AKR1C1: variants seen among roughly 807,000 people sequenced by gnomAD.
AKR1C1 encodes the protein 20 alpha-hydroxysteroid dehydrogenase.
In AKR1C1, 32 loss-of-function variants were observed where a neutral mutation model predicts 40.6. The observed-to-expected ratio is 0.79, with a 90% confidence interval of 0.60 to 1.06. AKR1C1 has a LOEUF of 1.06. Among genes scored for constraint, AKR1C1 ranks in the 50% least tolerant of loss-of-function variants. The pLI is 0.00. For synonymous variants in AKR1C1, 105 were observed against 134.2 expected (o/e 0.78, Z 1.50); for missense variants, 320 against 363.5 (o/e 0.88, Z 0.97).
chr10:4,977,972 G>A lies in AKR1C1; in HGVS notation c.*230G>A, dbSNP rs1158603612. On this transcript the variant is annotated 3_prime_UTR_variant, in exon 9 of 9. Coordinates refer to ENST00000380872, the MANE Select transcript of AKR1C1 (RefSeq NM_001353.6). Reference sequence around the variant, plus strand: ...TCCTAAAGATTCTTCACCTACTTTGGTCTCCATAACTTCTATGTTTTCTTT... The same window carrying A: ...TCCTAAAGATTCTTCACCTACTTTGATCTCCATAACTTCTATGTTTTCTTT... The A allele has an allele frequency of 4.0e-5, 23 of 579,856 alleles. No homozygotes were observed. The highest frequency in any genetic ancestry group is 5.9e-5 in the Non-Finnish European group (20 of 336,540). 35.9% of individuals were successfully genotyped at this position (579,856 alleles called of 1,614,324 possible).
chr10:4,982,967 C>T lies in AKR1C1; in HGVS notation c.*5225C>T, dbSNP rs1370112158. 1.0e-4 allele frequency: 47 copies of T among 449,650 alleles called. No individual in the cohort carries two copies. Among genetic ancestry groups the T allele is most frequent in the African/African-American group, 8.6e-4 (43 of 49,880 alleles). 27.9% of individuals were successfully genotyped at this position (449,650 alleles called of 1,614,324 possible). A position where few individuals can be genotyped will look rare whatever the true frequency, so the allele number is the denominator to read the frequency against. On this transcript the variant is annotated 3_prime_UTR_variant, in exon 9 of 9. Transcript: ENST00000380872. ...CATTCAAGAAAGCCAGCACACTAAG[C>T]CTATCTACAGCCAGGGAGTCTCAGA...
intron 5 of AKR1C1, among the ~76,000 whole-genome samples, chr10:4,970,313 C>T (rs916659284): frequency 1.3e-5 from 2 of 152,052 alleles, no homozygotes; most frequent in Non-Finnish European, 2.9e-5. Context: ...TTTTGTAGCT[C>T]TTCTTTTTTT....
In AKR1C1 at chr10:4,982,628, C is replaced by G. The variant is rs1302249093; in HGVS notation, c.*4886C>G. On this transcript the variant is annotated 3_prime_UTR_variant, in exon 9 of 9. Transcript: ENST00000380872. ...CCATCCACCCATCCTGGTAGCTTAACACAAAGATACACTTTTAGGAGCTTC... is the reference window on the plus strand; with the variant it reads ...CCATCCACCCATCCTGGTAGCTTAAGACAAAGATACACTTTTAGGAGCTTC... The G allele has an allele frequency of 4.0e-5, 9 of 227,200 alleles. 1 individual carries two copies. Among genetic ancestry groups the G allele is most frequent in the South Asian group, 1.7e-4 (3 of 17,836 alleles). The allele number at this position is 227,200 out of a possible 1,614,324, so 14.1% of individuals were successfully genotyped here.
intron 5 of AKR1C1, among the ~76,000 whole-genome samples, chr10:4,971,600 G>A (rs1363303848): frequency 1.4e-5 from 2 of 148,030 alleles, no homozygotes; most frequent in East Asian, 1.9e-4. Context: ...GTTTCATAGG[G>A]AACCCACTGG....
At position 4,968,935 on chromosome 10, in the gene AKR1C1, C is replaced by T. The variant is rs748407408; in HGVS notation, c.561C>T (p.Val187=). The T allele has an allele frequency of 1.2e-6, 2 of 1,614,082 alleles. No homozygotes were observed. The highest frequency in any genetic ancestry group is 1.6e-4 in the Middle Eastern group (1 of 6,084). Residue 187 remains valine, a synonymous_variant, in exon 5 of 9, where the codon GTC becomes GTT. Coordinates refer to ENST00000380872, the MANE Select transcript of AKR1C1 (RefSeq NM_001353.6). ...LNKPGLKYKP[V]CNQVECHPYF... is the part of the protein sequence containing the mutation. Reference sequence around the variant, plus strand: ...AGCCAGGGCTCAAGTACAAGCCTGTCTGCAACCAGGTGAGCACCCTCAGCC... The same window carrying T: ...AGCCAGGGCTCAAGTACAAGCCTGTTTGCAACCAGGTGAGCACCCTCAGCC...
In AKR1C1 at chr10:4,963,440, C is replaced by T; in HGVS notation, c.-5C>T. Reference sequence around the variant, plus strand: ...AAACATTTGCCAGCCAGGCTAGTGACAGAAATGGATTCGAAATATCAGTGT... The same window carrying T: ...AAACATTTGCCAGCCAGGCTAGTGATAGAAATGGATTCGAAATATCAGTGT... On this transcript the variant is annotated 5_prime_UTR_variant, in exon 1 of 9. Transcript: ENST00000380872. 1 of 1,614,026 alleles carries T rather than the reference C, an allele frequency of 6.2e-7. No homozygotes were observed. The highest frequency in any genetic ancestry group is 8.5e-7 in the Non-Finnish European group (1 of 1,179,930).
In AKR1C1 at chr10:4,980,980, T is replaced by C. The variant is rs1490828808; in HGVS notation, c.*3238T>C. The C allele has an allele frequency of 6.6e-6, 1 of 152,214 alleles. No homozygotes were observed. Among genetic ancestry groups the C allele is most frequent in the African/African-American group, 2.4e-5 (1 of 41,446 alleles). The allele number at this position is 152,214 out of a possible 1,614,324, so 9.4% of individuals were successfully genotyped here. ...CATAAAACAAGAACATCAAAATTAC[T>C]CTATGATCCATGGGAAACAGAATGC... On this transcript the variant is annotated 3_prime_UTR_variant, in exon 9 of 9. Coordinates refer to ENST00000380872, the MANE Select transcript of AKR1C1 (RefSeq NM_001353.6).
In AKR1C1 at chr10:4,967,057, G is replaced by A. The variant is rs745558706; in HGVS notation, c.369+14G>A. ...GTGTCTGTAAAGGTAGGCAGCTTGT[G>A]TGATCAAATTAATTTCACTTTTGTT... On this transcript the variant is annotated intron_variant, in intron 3 of 8. Transcript: ENST00000380872. 9 of 1,606,068 alleles carry A rather than the reference G, an allele frequency of 5.6e-6. No homozygotes were observed.
At chr10:4,964,280 C>T (rs1470856548) in intron 1 of AKR1C1, among the ~76,000 whole-genome samples, 1 of 152,140 alleles carries the variant, frequency 6.6e-6, no homozygotes, top group African/African-American at 2.4e-5. Context: ...TGAATAGGGA[C>T]TAGTTACATA....
At chr10:4,969,947 G>C (rs1211166228) in intron 5 of AKR1C1, 1 of 487,920 alleles carries the variant, frequency 2.0e-6, no homozygotes, top group South Asian at 2.8e-5. Context: ...AAATTAATGT[G>C]GTTTTAATAC....
intron 7 of AKR1C1, among the ~76,000 whole-genome samples, chr10:4,973,460 T>C (rs1369518889): frequency 2.0e-5 from 3 of 152,188 alleles, no homozygotes; most frequent in Non-Finnish European, 4.4e-5. Context: ...TGCAGTTCTT[T>C]ATCCTCCAGC....
rs185440371 is a variant in AKR1C1 at position 4,975,144 on chromosome 10, G to A, written c.847-707G>A. On this transcript the variant is annotated intron_variant, in intron 7 of 8. Coordinates refer to ENST00000380872, the MANE Select transcript of AKR1C1 (RefSeq NM_001353.6). ...GATAACTTTTCATTTTTGTTTTATG[G>A]ATTTTCTAATATATAGAAATATTAA... is the stretch of plus-strand genomic sequence containing the variant. Among the ~76,000 whole-genome samples, 14 of 151,814 alleles carry A rather than the reference G, an allele frequency of 9.2e-5. 1 individual carries two copies. The highest frequency in any genetic ancestry group is 9.2e-4 in the Admixed American group (14 of 15,256).
chr10:4,981,883 CAGCG>C lies in AKR1C1; in HGVS notation c.*4142_*4145del. The C allele has an allele frequency of 6.6e-6, 1 of 152,398 alleles. No homozygotes were observed. The highest frequency in any genetic ancestry group is 1.5e-5 in the Non-Finnish European group (1 of 68,082). The allele number at this position is 152,398 out of a possible 1,614,324, so 9.4% of individuals were successfully genotyped here. On this transcript the variant is annotated 3_prime_UTR_variant, in exon 9 of 9. Transcript: ENST00000380872. ...GGCCTGAAAGCCATGGTTATTATCT[CAGCG>C]TGTAAGCTGATGATCTGAGGCTGGT...
At position 4,976,698 on chromosome 10, in the gene AKR1C1, G is replaced by C. The variant is rs1554770484; in HGVS notation, c.929+765G>C. 2.6e-5 allele frequency among the ~76,000 whole-genome samples: 4 copies of C among 152,272 alleles called. No homozygotes were observed. In the East Asian group the frequency reaches 7.7e-4, roughly 29 times the overall value. ...GTGTTCTAAGGTTCTAGGATTCATA[G>C]AAGGTCATTCATATAATGAGGGAAA... On this transcript the variant is annotated intron_variant, in intron 8 of 8. Coordinates refer to ENST00000380872, the MANE Select transcript of AKR1C1 (RefSeq NM_001353.6).
chr10:4,967,366 G>A (rs1158098371), intron 3 of AKR1C1: 7 of 1,081,728 alleles, frequency 6.5e-6, no homozygotes, highest in Non-Finnish European at 6.8e-6. Flanking sequence ...CACAGACACA[G>A]AGTTTCATGA....
At position 4,972,552 on chromosome 10, in the gene AKR1C1, C is replaced by T. The variant is rs375087225; in HGVS notation, c.681-32C>T. 104 of 1,611,166 alleles carry T rather than the reference C, an allele frequency of 6.5e-5. No homozygotes were observed. The African/African-American group carries it at 1.3e-3, about 20-fold the overall frequency. On this transcript the variant is annotated intron_variant, in intron 6 of 8. Transcript: ENST00000380872. Reference sequence around the variant, plus strand: ...GCCTAACAAACTGTATCCCCAGCCTCAGGGCCTCAGCCTTTCTGCCTTTCC... The same window carrying T: ...GCCTAACAAACTGTATCCCCAGCCTTAGGGCCTCAGCCTTTCTGCCTTTCC...
chr10:4,968,167 A>G (rs1836359104), intron 3 of AKR1C1, 142 bp from the exon 4 acceptor site: 1 of 1,148,570 alleles, frequency 8.7e-7, no homozygotes, highest in Non-Finnish European at 1.2e-6. Flanking sequence ...CTTCATATGT[A>G]GTACACTCTG....
At chr10:4,965,129 T>C (rs572935699) in intron 1 of AKR1C1, among the ~76,000 whole-genome samples, 2 of 152,312 alleles carry the variant, frequency 1.3e-5, no homozygotes, top group South Asian at 4.1e-4. Context: ...TTCACATACA[T>C]TGACAAAATA....
chr10:4,972,353 T>TA (rs67671072), intron 6 of AKR1C1, 43 bp downstream of exon 6: 899,868 of 1,569,392 alleles, frequency 0.57, 225,524 homozygotes, highest in African/African-American at 0.67. Context: ...ACCGGTTTGA[T>TA]AAAAAAAATT....
Sources: gnomAD v4.1 joint callset for allele counts (sites outside exome capture counted in the v4.1 genomes callset) on GRCh38, gnomAD v4.1.1 for gene constraint, MANE v1.5 for transcripts, NCBI Gene and HGNC (gene_info 2026-07-23, HGNC 2026-07-21) for gene names.